Variants in PTCD3 observed in about 807,000 individuals in gnomAD.
The protein encoded by PTCD3 is pentatricopeptide repeat domain 3, also known as small ribosomal subunit protein mS39.
In PTCD3, 89 loss-of-function variants were observed where a neutral mutation model predicts 101.9. That is an observed-to-expected ratio of 0.87 (90% confidence interval 0.74 to 1.04). The LOEUF (loss-of-function observed/expected upper bound fraction) is 1.04, where lower values mean the gene tolerates loss of function less well. PTCD3 is among the 50% of genes least tolerant of loss of function. The probability of loss-of-function intolerance (pLI) is 0.00; values close to 1 mark genes in which losing one functional copy is unlikely to be tolerated. For missense variants in PTCD3, 870 were observed against 828.2 expected (o/e 1.05, Z -0.62); for synonymous variants, 296 against 278.5 (o/e 1.06, Z -0.63).
At chr2:86,118,471 C>CT (rs1205729325) in intron 6 of PTCD3, among the ~76,000 whole-genome samples, 1 of 151,524 alleles carries the variant, frequency 6.6e-6, no homozygotes, top group African/African-American at 2.4e-5. Context: ...CATAGTAGAA[C>CT]TTGCACATAG....
At chr2:86,124,370 A>C (rs1674344850) in intron 9 of PTCD3, among the ~76,000 whole-genome samples, 1 of 152,216 alleles carries the variant, frequency 6.6e-6, no homozygotes, top group Non-Finnish European at 1.5e-5. Context: ...CACACCTGTA[A>C]TCCTGGTGCC....
In PTCD3 at chr2:86,106,243, C is replaced by T. The variant is rs749310145; in HGVS notation, c.-5C>T. 3 of 1,613,692 alleles carry T rather than the reference C, an allele frequency of 1.9e-6. No homozygotes were observed. The highest frequency in any genetic ancestry group is 4.5e-5 in the East Asian group (2 of 44,888). ...TTCCCAACATGCTCTGCAGAGAAAT[C>T]AAAGATGGCGGTTGTATCTGCTGTT... On this transcript the variant is annotated 5_prime_UTR_variant, in exon 1 of 24. Transcript: ENST00000254630.
chr2:86,118,464 A>G (rs866880424), intron 6 of PTCD3, among the ~76,000 whole-genome samples: 1 of 151,902 alleles, frequency 6.6e-6, no homozygotes, highest in Non-Finnish European at 1.5e-5. Flanking sequence ...TTGTTTTCAT[A>G]GTAGAACTTG....
intron 7 of PTCD3, 130 bp from the exon 8 acceptor site, chr2:86,121,349 G>A: frequency 1.8e-6 from 1 of 544,538 alleles, no homozygotes; most frequent in Non-Finnish European, 3.2e-6. Flanking sequence ...AGTGCATAAA[G>A]TAGTGGACAA....
In PTCD3 at chr2:86,108,370, C is replaced by CCTCTCAAAGGTAGTGCAA; in HGVS notation, c.126_127insTCTCAAAGGTAGTGCAAC (p.Thr42_Leu43insSerGlnArgTer). On this transcript the variant is annotated stop_gained and inframe_insertion, in exon 2 of 24. Coordinates refer to ENST00000254630, the MANE Select transcript of PTCD3 (RefSeq NM_017952.6). LOFTEE classifies it high-confidence loss of function. ...TGCAGATTTTATTCTGGTAGTGCAA[C>CCTCTCAAAGGTAGTGCAA]CCTCTCAAAGGTTGAAGGAACTGAT... is the stretch of plus-strand genomic sequence containing the variant. 6.2e-7 allele frequency: 1 copy of CCTCTCAAAGGTAGTGCAA among 1,608,760 alleles called. No individual in the cohort carries two copies. Among genetic ancestry groups the CCTCTCAAAGGTAGTGCAA allele is most frequent in the Non-Finnish European group, 8.5e-7 (1 of 1,178,152 alleles).
chr2:86,130,911 C>G, intron 15 of PTCD3, 167 bp from the exon 16 acceptor site: 1 of 1,431,120 alleles, frequency 7.0e-7, no homozygotes, highest in Non-Finnish European at 9.3e-7. Flanking sequence ...CATGGTCTTT[C>G]TGAGAAAGCC....
chr2:86,135,526 G>A (rs911125758), intron 21 of PTCD3, among the ~76,000 whole-genome samples: 2 of 152,184 alleles, frequency 1.3e-5, no homozygotes, highest in African/African-American at 4.8e-5. Flanking sequence ...AATTTTTAGT[G>A]TTTGTGAATG....
rs1012691469 is a variant in PTCD3, at chr2:86,137,219, C to G, written c.1979+79C>G. 3.5e-6 allele frequency: 5 copies of G among 1,444,860 alleles called. No homozygotes were observed. The African/African-American group carries it at 7.1e-5, about 21-fold the overall frequency. 89.5% of individuals were successfully genotyped at this position (1,444,860 alleles called of 1,614,324 possible). A position where few individuals can be genotyped will look rare whatever the true frequency, so the allele number is the denominator to read the frequency against. Reference sequence around the variant, plus strand: ...GCCCATTCAAAATGTTCATAGCTTTCTATCCCTTCTATTTCCTTTCAAAAA... The same window carrying G: ...GCCCATTCAAAATGTTCATAGCTTTGTATCCCTTCTATTTCCTTTCAAAAA... On this transcript the variant is annotated intron_variant, in intron 23 of 23. Coordinates refer to ENST00000254630, the MANE Select transcript of PTCD3 (RefSeq NM_017952.6).
chr2:86,113,469 G>A (rs544147543), intron 4 of PTCD3, among the ~76,000 whole-genome samples: 86 of 152,194 alleles, frequency 5.7e-4, no homozygotes, highest in Middle Eastern at 6.8e-3. Flanking sequence ...TTACAAGTAC[G>A]CAGAATTGTT....
intron 9 of PTCD3, among the ~76,000 whole-genome samples, chr2:86,124,452 T>C (rs1674346517): frequency 6.6e-6 from 1 of 152,110 alleles, no homozygotes; most frequent in Non-Finnish European, 1.5e-5. Flanking sequence ...TGGTGAAACC[T>C]CATCTCTACT....
rs537287088 is a variant in PTCD3 at position 86,142,091 on chromosome 2, C to G, written c.*4532C>G. On this transcript the variant is annotated 3_prime_UTR_variant, in exon 24 of 24. Coordinates refer to ENST00000254630, the MANE Select transcript of PTCD3 (RefSeq NM_017952.6). ...GGTGTGTTGGCTGGTAAAGGAACTA[C>G]TAAGATTCAGAAGCTTGTAGTCTTC... 1 of 152,252 alleles carries G rather than the reference C, an allele frequency of 6.6e-6. No individual in the cohort carries two copies. Among genetic ancestry groups the G allele is most frequent in the Non-Finnish European group, 1.5e-5 (1 of 68,088 alleles). 9.4% of individuals were successfully genotyped at this position (152,252 alleles called of 1,614,324 possible).
intron 3 of PTCD3, 24 bp from the exon 4 acceptor site, chr2:86,111,089 T>A (rs761432986): frequency 6.2e-7 from 1 of 1,606,426 alleles, no homozygotes; most frequent in Non-Finnish European, 8.5e-7. Flanking sequence ...CTGATGAGGA[T>A]TAACTTGTGG....
At chr2:86,126,787 A>G (rs910580712) in intron 12 of PTCD3, among the ~76,000 whole-genome samples, 2 of 151,926 alleles carry the variant, frequency 1.3e-5, no homozygotes, top group African/African-American at 2.4e-5. Context: ...CAGTGAGCCA[A>G]GATCGCACCA....
At position 86,134,911 on chromosome 2, in the gene PTCD3, G is replaced by C. The variant is rs1674556133; in HGVS notation, c.1702G>C (p.Ala568Pro). The C allele has an allele frequency of 6.2e-7, 1 of 1,614,122 alleles. No individual in the cohort carries two copies. The highest frequency in any genetic ancestry group is 2.2e-5 in the East Asian group (1 of 44,884). ...TGAAAGCCAACCCATCAGACAGACT[G>C]CTCAGGATTGGCCAGCCACCTCTCT... ...AYESQPIRQT[A>P]QDWPATSLNC... The change falls in exon 21 of 24, where the codon GCT (alanine) becomes CCT (proline). Residue 568 changes from alanine (A) to proline (P), a missense_variant. Transcript: ENST00000254630.
rs76870573 is a variant in PTCD3, at chr2:86,109,092, T to C, written c.194+556T>C. The stretch of plus-strand genomic sequence containing the variant: ...TTTAGTGGCCCCTCAAAAAGCTAGG[T>C]CTTAAAATTATGTGACCTAAAGACT... On this transcript the variant is annotated intron_variant, in intron 3 of 23. Transcript: ENST00000254630. 6.4e-3 allele frequency among the ~76,000 whole-genome samples: 975 copies of C among 151,984 alleles called. 25 individuals carry two copies. In the East Asian group the frequency reaches 0.098, roughly 15 times the overall value.
In PTCD3 at chr2:86,135,813, G is replaced by A. The variant is rs1203220517; in HGVS notation, c.1779-708G>A. On this transcript the variant is annotated intron_variant, in intron 21 of 23. Coordinates refer to ENST00000254630, the MANE Select transcript of PTCD3 (RefSeq NM_017952.6). ...CAACTATGCTGCTAGTGACAGAGAC[G>A]TATGACATTTGCATTTGGTTGTTAG... 5 of 470,456 alleles carry A rather than the reference G, an allele frequency of 1.1e-5. No individual in the cohort carries two copies. In the East Asian group the frequency reaches 1.8e-4, roughly 17 times the overall value. The allele number at this position is 470,456 out of a possible 1,614,324, so 29.1% of individuals were successfully genotyped here. A position where few individuals can be genotyped will look rare whatever the true frequency, so the allele number is the denominator to read the frequency against.
Position 86,130,667 on chromosome 2 carries a change from A to G in PTCD3, c.1167A>G (p.Ser389=). The G allele has an allele frequency of 2.5e-6, 4 of 1,613,210 alleles. No individual in the cohort carries two copies. The highest frequency in any genetic ancestry group is 3.4e-6 in the Non-Finnish European group (4 of 1,179,608). Reference sequence around the variant, plus strand: ...CTGCAGGAGACCCTTTAAAGAGATCATCCTTCATCATTTATGATATAATGA... The same window carrying G: ...CTGCAGGAGACCCTTTAAAGAGATCGTCCTTCATCATTTATGATATAATGA... The part of the protein sequence containing the change: ...FDQPGDPLKR[S]SFIIYDIMNE... The change falls in exon 15 of 24, where the codon TCA becomes TCG. Residue 389 remains serine (S), a synonymous_variant. Transcript: ENST00000254630.
At chr2:86,120,953 C>T (rs1674269275) in intron 7 of PTCD3, among the ~76,000 whole-genome samples, 2 of 152,136 alleles carry the variant, frequency 1.3e-5, no homozygotes, top group African/African-American at 4.8e-5. Context: ...TACTTGTCTT[C>T]CTCCTATTCC....
At position 86,139,850 on chromosome 2, in the gene PTCD3, G is replaced by A. The variant is rs575795908; in HGVS notation, c.*2291G>A. 1 of 152,144 alleles carries A rather than the reference G, an allele frequency of 6.6e-6. No individual in the cohort carries two copies. Among genetic ancestry groups the A allele is most frequent in the Non-Finnish European group, 1.5e-5 (1 of 68,018 alleles). The allele number at this position is 152,144 out of a possible 1,614,324, so 9.4% of individuals were successfully genotyped here. On this transcript the variant is annotated 3_prime_UTR_variant, in exon 24 of 24. Coordinates refer to ENST00000254630, the MANE Select transcript of PTCD3 (RefSeq NM_017952.6). ...TTAAGGACTCATGGAATGGGAAGGG[G>A]AAGGGGAGTCTTACTATATGTGGAA... is the stretch of plus-strand genomic sequence containing the variant.
Sources: allele counts gnomAD v4.1 joint callset (sites outside exome capture counted in the v4.1 genomes callset), GRCh38; gene constraint gnomAD v4.1.1; transcripts MANE v1.5; gene names NCBI Gene and HGNC (gene_info 2026-07-23, HGNC 2026-07-21).